The following CHN1 variants were observed in gnomAD, a reference collection of about 807,000 sequenced individuals.
CHN1 encodes the protein N-chimaerin.
CHN1 carries 37 observed loss-of-function variants against 59.5 expected under a neutral mutation model. The ratio of observed to expected loss-of-function variants is 0.62; its 90% CI spans 0.48 to 0.82. CHN1 has a LOEUF of 0.82. CHN1 is among the 40% of genes least tolerant of loss of function. The pLI, the probability that CHN1 is intolerant of heterozygous loss-of-function variation, is 0.00. For synonymous variants in CHN1, 206 were observed against 200.4 expected (o/e 1.03, Z -0.24); for missense variants, 469 against 571.0 (o/e 0.82, Z 1.82).
intron 7 of CHN1, among the ~76,000 whole-genome samples, chr2:174,840,959 C>T (rs1189159756): frequency 6.6e-6 from 1 of 151,940 alleles, no homozygotes; most frequent in Admixed American, 6.6e-5. Context: ...GTCAGCGAGG[C>T]AGTATAATAC....
At chr2:174,909,993 T>C (rs1688645086) in intron 5 of CHN1, among the ~76,000 whole-genome samples, 1 of 152,226 alleles carries the variant, frequency 6.6e-6, no homozygotes, top group Non-Finnish European at 1.5e-5. Context: ...GTTTGTCTAA[T>C]TCTAAAGTCT....
intron 7 of CHN1, among the ~76,000 whole-genome samples, chr2:174,844,692 G>C (rs189470513): frequency 2.3e-3 from 343 of 152,150 alleles, no homozygotes; most frequent in Middle Eastern, 6.8e-3. Flanking sequence ...ACAGAGTCTG[G>C]GATGTTCTTG....
At chr2:174,939,391 C>T (rs1025588669) in intron 3 of CHN1, among the ~76,000 whole-genome samples, 6 of 152,192 alleles carry the variant, frequency 3.9e-5, no homozygotes, top group Non-Finnish European at 1.5e-5. Flanking sequence ...GTTTCATATA[C>T]TTTATAACTG....
chr2:174,829,224 G>GA (rs1420236335), intron 7 of CHN1, among the ~76,000 whole-genome samples: 1 of 152,184 alleles, frequency 6.6e-6, no homozygotes, highest in Non-Finnish European at 1.5e-5. Flanking sequence ...AAACAGAGAT[G>GA]AAAGACTGGA....
At chr2:174,873,326 A>G (rs1687467035) in intron 6 of CHN1, among the ~76,000 whole-genome samples, 1 of 152,210 alleles carries the variant, frequency 6.6e-6, no homozygotes, top group South Asian at 2.1e-4. Context: ...GCATAGCTTG[A>G]GCATGAACAA....
At chr2:174,860,994 C>T (rs1364083170) in intron 6 of CHN1, among the ~76,000 whole-genome samples, 1 of 152,146 alleles carries the variant, frequency 6.6e-6, no homozygotes, top group East Asian at 1.9e-4. Context: ...AACTCTCCTC[C>T]TCAATCTGCC....
In CHN1 at chr2:174,890,013, G is replaced by A. The variant is rs1688002228; in HGVS notation, c.261-11885C>T. 2.0e-5 allele frequency among the ~76,000 whole-genome samples: 3 copies of A among 151,654 alleles called. 1 individual carries two copies. The highest frequency in any genetic ancestry group is 7.3e-5 in the African/African-American group (3 of 41,252). ...AAAATGAAAGCAACCAGAGAAGAGA[G>A]ACAATAGCTATAAGATAAGCAAAAA... On this transcript the variant is annotated intron_variant, in intron 5 of 12. Coordinates refer to ENST00000409900, the MANE Select transcript of CHN1 (RefSeq NM_001822.7).
intron 7 of CHN1, among the ~76,000 whole-genome samples, chr2:174,835,272 TC>T (rs1157002570): frequency 3.3e-5 from 5 of 152,202 alleles, no homozygotes; most frequent in Non-Finnish European, 5.9e-5. Flanking sequence ...TGAAAACTGT[TC>T]TTTCCCCAAA....
chr2:174,860,682 G>T (rs1040922905), intron 6 of CHN1, among the ~76,000 whole-genome samples: 34 of 152,234 alleles, frequency 2.2e-4, no homozygotes, highest in African/African-American at 6.3e-4. Flanking sequence ...ATTGAGATAA[G>T]TGCTGCATGA....
chr2:174,888,949 G>C (rs1027540196), intron 5 of CHN1, among the ~76,000 whole-genome samples: 1 of 152,174 alleles, frequency 6.6e-6, no homozygotes, highest in Non-Finnish European at 1.5e-5. Context: ...GGAGGGAGAA[G>C]AGTGGAGTAT....
chr2:174,860,083 T>C (rs980044712), intron 6 of CHN1, among the ~76,000 whole-genome samples: 2 of 152,210 alleles, frequency 1.3e-5, no homozygotes, highest in Non-Finnish European at 2.9e-5. Flanking sequence ...CTGAGTAGCA[T>C]GCCTTTTTGT....
At chr2:174,959,905 A>G (rs948332825) in intron 1 of CHN1, among the ~76,000 whole-genome samples, 3 of 152,206 alleles carry the variant, frequency 2.0e-5, no homozygotes, top group South Asian at 2.1e-4. Flanking sequence ...CTGACCAGAA[A>G]CAGGATCCTA....
intron 1 of CHN1, among the ~76,000 whole-genome samples, chr2:175,002,277 TCAATTCC>T (rs1408276511): frequency 1.3e-5 from 2 of 152,360 alleles, no homozygotes; most frequent in East Asian, 3.9e-4. Context: ...ATGCACATTT[TCAATTCC>T]CAAATGAGAC....
At chr2:174,858,270 T>C (rs1311865346) in intron 6 of CHN1, among the ~76,000 whole-genome samples, 1 of 152,208 alleles carries the variant, frequency 6.6e-6, no homozygotes. Flanking sequence ...ACAGTTTGAT[T>C]AGAATATATC....
At chr2:174,831,417 T>C (rs1485196393) in intron 7 of CHN1, among the ~76,000 whole-genome samples, 1 of 152,140 alleles carries the variant, frequency 6.6e-6, no homozygotes, top group African/African-American at 2.4e-5. Flanking sequence ...CAAACACAAT[T>C]TCTGGTGTTG....
intron 1 of CHN1, among the ~76,000 whole-genome samples, chr2:174,989,746 C>T (rs960957093): frequency 1.3e-5 from 2 of 151,276 alleles, no homozygotes; most frequent in East Asian, 1.9e-4. Context: ...GCAGTGATCA[C>T]ACCACCACAC....
Position 175,004,483 on chromosome 2 carries a change from G to C in CHN1, c.19+411C>G, listed in dbSNP as rs566906432. The stretch of plus-strand genomic sequence containing the variant: ...CAACAGGAAGCAACACATGCATTTG[G>C]CAATTCCAAGGAGGCTGGGGACTCA... On this transcript the variant is annotated intron_variant, in intron 1 of 12. Coordinates refer to ENST00000409900, the MANE Select transcript of CHN1 (RefSeq NM_001822.7). Among the ~76,000 whole-genome samples, 17 of 152,224 alleles carry C rather than the reference G, an allele frequency of 1.1e-4. No individual in the cohort carries two copies. In the South Asian group the frequency reaches 1.2e-3, roughly 11 times the overall value.
chr2:174,989,748 C>T (rs1691475198), intron 1 of CHN1, among the ~76,000 whole-genome samples: 1 of 151,678 alleles, frequency 6.6e-6, no homozygotes, highest in Non-Finnish European at 1.5e-5. Flanking sequence ...AGTGATCACA[C>T]CACCACACTG....
chr2:174,876,089 C>A (rs901086706), intron 6 of CHN1, among the ~76,000 whole-genome samples: 2 of 152,170 alleles, frequency 1.3e-5, no homozygotes, highest in African/African-American at 2.4e-5. Flanking sequence ...CTAGAATACA[C>A]AGGGAATCAT....
Sources: allele counts gnomAD v4.1 joint callset (sites outside exome capture counted in the v4.1 genomes callset), GRCh38; gene constraint gnomAD v4.1.1; transcripts MANE v1.5; gene names NCBI Gene and HGNC (gene_info 2026-07-23, HGNC 2026-07-21).